ASTN2: variants seen among roughly 807,000 people sequenced by gnomAD.
ASTN2 encodes the protein astrotactin 2.
ASTN2 carries 54 observed loss-of-function variants against 139.8 expected under a neutral mutation model. The ratio of observed to expected loss-of-function variants is 0.39; its 90% CI spans 0.31 to 0.48. The LOEUF is 0.48. Among genes scored for constraint, ASTN2 ranks in the 20% least tolerant of loss-of-function variants. The probability of loss-of-function intolerance (pLI) is 0.95; values close to 1 mark genes in which losing one functional copy is unlikely to be tolerated. For synonymous variants in ASTN2, 756 were observed against 719.5 expected, an observed-to-expected ratio of 1.05 and a Z score of -0.81; for missense variants, 1,565 against 1,725.1, an observed-to-expected ratio of 0.91 and a Z score of 1.64.
At chr9:116,494,805 T>C (rs986624019) in intron 19 of ASTN2, among the ~76,000 whole-genome samples, 1 of 152,200 alleles carries the variant, frequency 6.6e-6, no homozygotes, top group Non-Finnish European at 1.5e-5. Flanking sequence ...AAGGCTGAAG[T>C]CAGGACATTC....
chr9:116,716,085 A>G (rs1016122551), intron 16 of ASTN2, among the ~76,000 whole-genome samples: 1 of 152,176 alleles, frequency 6.6e-6, no homozygotes, highest in African/African-American at 2.4e-5. Flanking sequence ...CAGACTGCTG[A>G]GAGAAAAGGG....
At chr9:116,863,903 C>T (rs953514986) in intron 10 of ASTN2, among the ~76,000 whole-genome samples, 170 bp from the exon 11 acceptor site, 35 of 152,046 alleles carry the variant, frequency 2.3e-4, no homozygotes, top group African/African-American at 7.2e-4. Flanking sequence ...TCATATGACA[C>T]GGTGCTTGTC....
At chr9:116,609,539 A>G (rs1260749484) in intron 19 of ASTN2, among the ~76,000 whole-genome samples, 1 of 151,666 alleles carries the variant, frequency 6.6e-6, no homozygotes, top group Non-Finnish European at 1.5e-5. Flanking sequence ...ATAATATCTT[A>G]CAAAAACAAA....
chr9:116,901,735 T>C (rs1054174293), intron 10 of ASTN2, among the ~76,000 whole-genome samples: 3 of 152,238 alleles, frequency 2.0e-5, no homozygotes, highest in African/African-American at 7.2e-5. Context: ...CTTATATCTT[T>C]TAAAAGTTAA....
At chr9:117,052,183 G>C (rs1164086641) in intron 5 of ASTN2, among the ~76,000 whole-genome samples, 2 of 152,140 alleles carry the variant, frequency 1.3e-5, no homozygotes, top group African/African-American at 2.4e-5. Flanking sequence ...GCTCATGCCT[G>C]TAATCCCAGC....
intron 3 of ASTN2, among the ~76,000 whole-genome samples, chr9:117,157,539 A>G (rs1323998855): frequency 6.6e-6 from 1 of 152,090 alleles, no homozygotes; most frequent in African/African-American, 2.4e-5. Context: ...TTCCATATCC[A>G]GAAAGCCAAG....
At chr9:117,006,808 T>C (rs1837365685) in intron 7 of ASTN2, among the ~76,000 whole-genome samples, 1 of 152,092 alleles carries the variant, frequency 6.6e-6, no homozygotes, top group South Asian at 2.1e-4. Context: ...CTGGCCCCAC[T>C]ACTAGTGCTA....
chr9:116,697,625 C>T (rs1860931899), intron 16 of ASTN2: 15 of 1,295,676 alleles, frequency 1.2e-5, no homozygotes, highest in Non-Finnish European at 1.6e-5. Flanking sequence ...TTTATATAGT[C>T]AGAGGAAAAT....
At chr9:116,779,677 C>G (rs1199588453) in intron 13 of ASTN2, among the ~76,000 whole-genome samples, 1 of 152,124 alleles carries the variant, frequency 6.6e-6, no homozygotes, top group African/African-American at 2.4e-5. Flanking sequence ...TCTAGTATTG[C>G]TAATTTCCCT....
intron 7 of ASTN2, among the ~76,000 whole-genome samples, chr9:116,977,489 TG>T (rs1207243995): frequency 6.6e-6 from 1 of 152,078 alleles, no homozygotes; most frequent in Non-Finnish European, 1.5e-5. Flanking sequence ...TTTTTTTTTC[TG>T]GCCATGCCTT....
Position 116,975,359 on chromosome 9 carries a change from G to C in ASTN2, c.1752-14C>G. The C allele has an allele frequency of 1.3e-6, 2 of 1,590,410 alleles. No homozygotes were observed. Among genetic ancestry groups the C allele is most frequent in the Non-Finnish European group, 1.7e-6 (2 of 1,169,122 alleles). On this transcript the variant is annotated splice_polypyrimidine_tract_variant and intron_variant, in intron 9 of 22. Coordinates refer to ENST00000313400, the MANE Select transcript of ASTN2 (RefSeq NM_001365068.1). ...CTGAAAGTAGACCTGCAATGTAAGA[G>C]TTTCCATTGGGGAACTCCCTGGGAA...
At chr9:117,056,131 T>C (rs1041948344) in intron 5 of ASTN2, among the ~76,000 whole-genome samples, 5 of 152,210 alleles carry the variant, frequency 3.3e-5, no homozygotes, top group African/African-American at 1.2e-4. Context: ...GCAGCTCTGG[T>C]TGACAACTTC....
chr9:117,249,917 C>T (rs1472491082), intron 2 of ASTN2, among the ~76,000 whole-genome samples: 2 of 151,980 alleles, frequency 1.3e-5, no homozygotes, highest in African/African-American at 4.8e-5. Context: ...AAAATGTCAC[C>T]GCCTACTCAT....
chr9:116,499,769 T>G (rs1849793751), intron 19 of ASTN2, among the ~76,000 whole-genome samples: 1 of 152,106 alleles, frequency 6.6e-6, no homozygotes, highest in South Asian at 2.1e-4. Context: ...GGAGTTGTGT[T>G]GGAAACAGCA....
intron 1 of ASTN2, among the ~76,000 whole-genome samples, chr9:117,359,668 C>T (rs1340570860): frequency 6.6e-6 from 1 of 152,110 alleles, no homozygotes; most frequent in Non-Finnish European, 1.5e-5. Flanking sequence ...GTAGCCAGCA[C>T]AGTGTAGATG....
At chr9:116,594,816 A>G (rs942250116) in intron 19 of ASTN2, among the ~76,000 whole-genome samples, 4 of 152,168 alleles carry the variant, frequency 2.6e-5, no homozygotes, top group African/African-American at 7.2e-5. Flanking sequence ...TCAGAGCTTA[A>G]GTCTTCCCAT....
chr9:116,597,585 T>C (rs1242120684), intron 19 of ASTN2, among the ~76,000 whole-genome samples: 1 of 152,056 alleles, frequency 6.6e-6, no homozygotes, highest in Non-Finnish European at 1.5e-5. Flanking sequence ...CCACCATGCC[T>C]GGCCTTGATC....
At chr9:117,177,349 C>T (rs1830942045) in intron 3 of ASTN2, among the ~76,000 whole-genome samples, 1 of 152,194 alleles carries the variant, frequency 6.6e-6, no homozygotes, top group Non-Finnish European at 1.5e-5. Flanking sequence ...AATAACTTGA[C>T]TCAGTCCTAC....
intron 4 of ASTN2, among the ~76,000 whole-genome samples, chr9:117,115,614 G>T (rs10115659): frequency 0.079 from 12,037 of 152,196 alleles, 861 homozygotes; most frequent in East Asian, 0.18. Context: ...GGAAACCTTG[G>T]ACAACAAATA....
Sources: allele counts gnomAD v4.1 joint callset (sites outside exome capture counted in the v4.1 genomes callset), GRCh38; gene constraint gnomAD v4.1.1; transcripts MANE v1.5; gene names NCBI Gene and HGNC (gene_info 2026-07-23, HGNC 2026-07-21).